ROBO2: variants seen among roughly 807,000 people sequenced by gnomAD.
The protein encoded by ROBO2 is roundabout homolog 2.
Under a neutral mutation model 160.8 loss-of-function variants are expected in ROBO2, and 53 were observed. The ratio of observed to expected loss-of-function variants is 0.33; its 90% CI spans 0.26 to 0.41. The LOEUF (loss-of-function observed/expected upper bound fraction) is 0.41. ROBO2 is among the 10% of genes least tolerant of loss of function. The pLI, the probability that ROBO2 is intolerant of heterozygous loss-of-function variation, is 1.00. For missense variants in ROBO2, 1,577 were observed against 1,722.4 expected (o/e 0.92, Z 1.49); for synonymous variants, 664 against 611.7 (o/e 1.09, Z -1.26).
At chr3:75,993,626 A>C (rs1007120279) in intron 2 of ROBO2, among the ~76,000 whole-genome samples, 3 of 152,162 alleles carry the variant, frequency 2.0e-5, no homozygotes, top group African/African-American at 7.2e-5. Flanking sequence ...TTTAGGTGGA[A>C]ACTGTACCAG....
In ROBO2 at chr3:76,377,767, G is replaced by T. The variant is rs1576780438; in HGVS notation, c.109+440165G>T. Among the ~76,000 whole-genome samples the T allele has an allele frequency of 2.0e-5, 3 of 152,172 alleles. No homozygotes were observed. In the South Asian group the frequency reaches 6.2e-4, roughly 32 times the overall value. On this transcript the variant is annotated intron_variant, in intron 2 of 26. Transcript: ENST00000487694. ...GTGGGTTTTTTTTCTCTTATGAGTAGAAAGGGTACTAGCTTGTGTATGTAT... is the reference window on the plus strand; with the variant it reads ...GTGGGTTTTTTTTCTCTTATGAGTATAAAGGGTACTAGCTTGTGTATGTAT...
chr3:76,911,920 A>G (rs1358650571), intron 2 of ROBO2, among the ~76,000 whole-genome samples: 1 of 152,092 alleles, frequency 6.6e-6, no homozygotes, highest in Non-Finnish European at 1.5e-5. Context: ...AGTGAGCTGT[A>G]ATTGTATCAC....
intron 2 of ROBO2, among the ~76,000 whole-genome samples, chr3:77,164,594 C>T (rs1456564484): frequency 7.8e-6 from 1 of 128,546 alleles, no homozygotes; most frequent in African/African-American, 3.0e-5. Context: ...GGCGCCTCTG[C>T]CCGGCTGCCC....
chr3:76,810,302 A>T (rs2065061154), intron 2 of ROBO2, among the ~76,000 whole-genome samples: 1 of 152,164 alleles, frequency 6.6e-6, no homozygotes, highest in Non-Finnish European at 1.5e-5. Context: ...AATCAGTCAG[A>T]GGCACACCCA....
chr3:77,352,833 TG>T (rs1435668477), intron 2 of ROBO2, among the ~76,000 whole-genome samples: 1 of 152,174 alleles, frequency 6.6e-6, no homozygotes, highest in Non-Finnish European at 1.5e-5. Context: ...TACTTCTCTC[TG>T]TGACAAGACG....
At chr3:76,132,498 C>A (rs1456266695) in intron 2 of ROBO2, among the ~76,000 whole-genome samples, 2 of 150,960 alleles carry the variant, frequency 1.3e-5, no homozygotes, top group Non-Finnish European at 2.9e-5. Flanking sequence ...GGAACACTCA[C>A]AAAACTCAAG....
intron 2 of ROBO2, among the ~76,000 whole-genome samples, chr3:77,337,872 C>T (rs1334374772): frequency 6.6e-6 from 1 of 152,076 alleles, no homozygotes; most frequent in Non-Finnish European, 1.5e-5. Flanking sequence ...TTTTATTAGT[C>T]ATGTTTCTGC....
chr3:76,453,002 G>T (rs1219767611), intron 2 of ROBO2, among the ~76,000 whole-genome samples: 1 of 152,014 alleles, frequency 6.6e-6, no homozygotes, highest in African/African-American at 2.4e-5. Flanking sequence ...CATGTCCTTT[G>T]CCCACTTTTT....
intron 2 of ROBO2, among the ~76,000 whole-genome samples, chr3:76,171,682 G>T (rs1371349861): frequency 6.6e-6 from 1 of 151,422 alleles, no homozygotes; most frequent in African/African-American, 2.4e-5. Flanking sequence ...AGACCCAAAA[G>T]AAAAATCCCT....
intron 2 of ROBO2, among the ~76,000 whole-genome samples, chr3:77,431,578 C>G (rs1226759494): frequency 6.6e-6 from 1 of 152,050 alleles, no homozygotes; most frequent in East Asian, 1.9e-4. Context: ...GTCGCTGGAC[C>G]CTGAGCCCTC....
intron 2 of ROBO2, among the ~76,000 whole-genome samples, chr3:76,851,880 G>A (rs995852420): frequency 6.6e-6 from 1 of 151,988 alleles, no homozygotes; most frequent in Non-Finnish European, 1.5e-5. Flanking sequence ...GGAATCTGAA[G>A]GTTGGAAGAA....
At chr3:77,583,042 T>G (rs1277011706) in intron 16 of ROBO2, among the ~76,000 whole-genome samples, 1 of 147,664 alleles carries the variant, frequency 6.8e-6, no homozygotes, top group African/African-American at 2.5e-5. Context: ...CTCGGGAGGC[T>G]GAGGCAGTAA....
At chr3:77,611,480 A>AATGTAGCAGAATTAC (rs1423657849) in intron 21 of ROBO2, among the ~76,000 whole-genome samples, 5 of 152,096 alleles carry the variant, frequency 3.3e-5, no homozygotes, top group African/African-American at 7.2e-5. Context: ...TGGCTAGCAG[A>AATGTAGCAGAATTAC]ATGGCTAATA....
chr3:76,686,118 A>C (rs1490520148), intron 2 of ROBO2, among the ~76,000 whole-genome samples: 1 of 152,116 alleles, frequency 6.6e-6, no homozygotes, highest in Admixed American at 6.6e-5. Context: ...TTTGATCTTC[A>C]GTTTAGTGGG....
rs1360061109 is a variant in ROBO2 at position 77,200,306 on chromosome 3, TATATATATA to T, written c.388+101967_388+101975del. Among the ~76,000 whole-genome samples, 10 of 84,532 alleles carry T rather than the reference TATATATATA, an allele frequency of 1.2e-4. No individual in the cohort carries two copies. In the East Asian group the frequency reaches 1.3e-3, roughly 11 times the overall value. The allele number at this position is 84,532 out of a possible 152,430, so 55.5% of individuals were successfully genotyped here. ...ATATATATATATATATATATATATA[TATATATATA>T]TATATATTTTAGTTTCTATAGGTAA... is the stretch of plus-strand genomic sequence containing the variant. On this transcript the variant is annotated intron_variant, in intron 2 of 25. Coordinates refer to ENST00000461745, the Ensembl canonical transcript of ROBO2.
chr3:77,173,252 C>T (rs1365154403), intron 2 of ROBO2, among the ~76,000 whole-genome samples: 1 of 152,086 alleles, frequency 6.6e-6, no homozygotes, highest in Non-Finnish European at 1.5e-5. Flanking sequence ...TAATGATAGA[C>T]ATTTGGAAGT....
intron 2 of ROBO2, among the ~76,000 whole-genome samples, chr3:76,984,214 C>A (rs561039996): frequency 6.6e-6 from 1 of 152,176 alleles, no homozygotes; most frequent in East Asian, 1.9e-4. Context: ...GGGGCCACAG[C>A]CGAACCATAT....
intron 2 of ROBO2, among the ~76,000 whole-genome samples, chr3:76,686,170 TGTTA>T (rs1234533904): frequency 2.0e-5 from 3 of 152,114 alleles, no homozygotes; most frequent in African/African-American, 7.2e-5. Flanking sequence ...AAAGGTTTTC[TGTTA>T]GTTTTCTGGT....
chr3:76,267,811 A>G (rs1165970227), intron 2 of ROBO2, among the ~76,000 whole-genome samples: 1 of 152,112 alleles, frequency 6.6e-6, no homozygotes, highest in Non-Finnish European at 1.5e-5. Flanking sequence ...TATATTAATG[A>G]TGGCCTCTCT....
Sources: allele counts gnomAD v4.1 joint callset (sites outside exome capture counted in the v4.1 genomes callset), GRCh38; gene constraint gnomAD v4.1.1; transcripts MANE v1.5; gene names NCBI Gene and HGNC (gene_info 2026-07-23, HGNC 2026-07-21).